PARN: variants seen among roughly 807,000 people sequenced by gnomAD.
PARN encodes the protein poly(A)-specific ribonuclease.
In PARN, 71 loss-of-function variants were observed where a neutral mutation model predicts 102.8. The ratio of observed to expected loss-of-function variants is 0.69; its 90% CI spans 0.57 to 0.84. The LOEUF (loss-of-function observed/expected upper bound fraction) is 0.84, where lower values mean the gene tolerates loss of function less well. PARN is among the 40% of genes least tolerant of loss of function. The probability of loss-of-function intolerance (pLI) is 0.00; values close to 1 mark genes in which losing one functional copy is unlikely to be tolerated. For missense variants in PARN, 782 were observed against 760.9 expected (o/e 1.03, Z -0.33); for synonymous variants, 261 against 252.9 (o/e 1.03, Z -0.30).
intron 21 of PARN, among the ~76,000 whole-genome samples, chr16:14,539,695 A>T (rs952689829): frequency 6.6e-6 from 1 of 152,214 alleles, no homozygotes; most frequent in Non-Finnish European, 1.5e-5. Context: ...ATACATTCAC[A>T]TGTCTTACTA....
At chr16:14,509,785 G>C (rs895890514) in intron 21 of PARN, among the ~76,000 whole-genome samples, 14 of 152,290 alleles carry the variant, frequency 9.2e-5, no homozygotes, top group Non-Finnish European at 1.9e-4. Flanking sequence ...AGCTTTCCAT[G>C]TTTTTCTATT....
chr16:14,538,910 A>G (rs1193823637), intron 21 of PARN, among the ~76,000 whole-genome samples: 1 of 152,162 alleles, frequency 6.6e-6, no homozygotes, highest in African/African-American at 2.4e-5. Context: ...TAAATTGCAC[A>G]TATGAGGAAT....
chr16:14,590,697 A>T (rs926203361), intron 13 of PARN, among the ~76,000 whole-genome samples: 9 of 152,024 alleles, frequency 5.9e-5, no homozygotes, highest in Admixed American at 3.3e-4. Context: ...GAGACCCACA[A>T]CTATGAAGTC....
At chr16:14,535,492 G>C (rs957135940) in intron 21 of PARN, among the ~76,000 whole-genome samples, 4 of 152,098 alleles carry the variant, frequency 2.6e-5, no homozygotes, top group African/African-American at 9.7e-5. Context: ...TTCTTTTTCA[G>C]AATAGCAGAT....
intron 18 of PARN, among the ~76,000 whole-genome samples, chr16:14,576,603 T>C (rs921978720): frequency 2.6e-5 from 4 of 152,346 alleles, no homozygotes; most frequent in Middle Eastern, 3.4e-3. Context: ...ATCTTAACAT[T>C]AAGTTTGGTT....
At chr16:14,596,863 TG>T (rs1394451165) in intron 12 of PARN, among the ~76,000 whole-genome samples, 1 of 151,772 alleles carries the variant, frequency 6.6e-6, no homozygotes, top group Non-Finnish European at 1.5e-5. Flanking sequence ...CTCAGGTTAC[TG>T]CAACCCCCGC....
intron 21 of PARN, among the ~76,000 whole-genome samples, chr16:14,500,208 A>G (rs1405929924): frequency 1.3e-5 from 2 of 152,064 alleles, no homozygotes; most frequent in African/African-American, 2.4e-5. Context: ...GGAGCTTGCC[A>G]CCATGTCCGG....
At chr16:14,454,045 T>C (rs1289152861) in intron 22 of PARN, among the ~76,000 whole-genome samples, 1 of 152,204 alleles carries the variant, frequency 6.6e-6, no homozygotes, top group Non-Finnish European at 1.5e-5. Context: ...TTTTGAAGAA[T>C]CTGTTGAAAT....
chr16:14,499,168 TTACGGGGGCTGTTGC>T (rs1423785156), intron 21 of PARN, among the ~76,000 whole-genome samples: 2 of 152,230 alleles, frequency 1.3e-5, no homozygotes. Context: ...TGCTTCCCTG[TTACGGGGGCTGTTGC>T]TGCTGACACC....
At chr16:14,569,223 AT>A (rs888733809) in intron 18 of PARN, among the ~76,000 whole-genome samples, 3 of 151,862 alleles carry the variant, frequency 2.0e-5, no homozygotes, top group African/African-American at 7.3e-5. Flanking sequence ...ATATATACAA[AT>A]TTAAAAAAAA....
intron 21 of PARN, among the ~76,000 whole-genome samples, chr16:14,543,923 G>A (rs1385870873): frequency 2.0e-5 from 3 of 152,172 alleles, no homozygotes; most frequent in African/African-American, 4.8e-5. Flanking sequence ...GGCTGGGCAC[G>A]GTGGCTCACG....
intron 9 of PARN, 197 bp downstream of exon 9, chr16:14,608,084 C>T (rs1291267607): frequency 1.7e-6 from 1 of 592,668 alleles, no homozygotes; most frequent in Non-Finnish European, 3.0e-6. Context: ...TTTTAAGAAG[C>T]CTTAAAGCAT....
intron 21 of PARN, among the ~76,000 whole-genome samples, chr16:14,510,467 C>G (rs1254872138): frequency 5.9e-5 from 9 of 152,086 alleles, no homozygotes; most frequent in African/African-American, 2.2e-4. Context: ...AGTGCCTACA[C>G]TGAACCACAA....
rs146997744 is a variant in PARN, at chr16:14,576,536, A to T, written c.1262+4338T>A. Among the ~76,000 whole-genome samples the T allele has an allele frequency of 2.0e-5, 3 of 152,380 alleles. No homozygotes were observed. In the East Asian group the frequency reaches 5.8e-4, roughly 29 times the overall value. On this transcript the variant is annotated intron_variant, in intron 18 of 23. Coordinates refer to ENST00000437198, the MANE Select transcript of PARN (RefSeq NM_002582.4). ...TTGTGCTTTCTGTTGTACAATAAAA[A>T]GCAAAAGCAGAGAGCATTTTTAGCT...
At chr16:14,629,733 A>C (rs1161337596) in intron 1 of PARN, 59 bp from the exon 2 acceptor site, 9 of 1,276,988 alleles carry the variant, frequency 7.0e-6, no homozygotes, top group Middle Eastern at 1.9e-4. Context: ...CTAAGGGGAG[A>C]GGGAAGGAGG....
intron 18 of PARN, among the ~76,000 whole-genome samples, chr16:14,570,613 G>A (rs1968741381): frequency 6.7e-6 from 1 of 148,776 alleles, no homozygotes; most frequent in Non-Finnish European, 1.5e-5. Flanking sequence ...TCATGCCACT[G>A]CACTCCAGCC....
chr16:14,453,666 A>G lies in PARN; in HGVS notation c.1671-6585T>C, dbSNP rs544370786. On this transcript the variant is annotated intron_variant, in intron 22 of 23. Coordinates refer to ENST00000437198, the MANE Select transcript of PARN (RefSeq NM_002582.4). ...CTATTTATATAGTTTTGCCTTTTCC[A>G]GAAGTTCATGTGAATGAAATCATAC... 7.9e-5 allele frequency among the ~76,000 whole-genome samples: 12 copies of G among 151,742 alleles called. 1 individual carries two copies. The South Asian group carries it at 2.5e-3, about 31-fold the overall frequency.
In PARN at chr16:14,630,206, T is replaced by TGCGGCAGTAGCTGAGGCAGCC. The variant is rs1275864216; in HGVS notation, c.-102_-82dup. On this transcript the variant is annotated 5_prime_UTR_variant, in exon 1 of 24. Coordinates refer to ENST00000437198, the MANE Select transcript of PARN (RefSeq NM_002582.4). ...TCTACTCGCCGAATTCCGCGGCGAC[T>TGCGGCAGTAGCTGAGGCAGCC]GCGGCAGTAGCTGAGGCAGCCGCAG... The TGCGGCAGTAGCTGAGGCAGCC allele has an allele frequency of 1.2e-4, 160 of 1,287,236 alleles. 1 individual carries two copies. The highest frequency in any genetic ancestry group is 7.3e-4 in the Admixed American group (35 of 47,720). 79.7% of individuals were successfully genotyped at this position (1,287,236 alleles called of 1,614,324 possible). A position where few individuals can be genotyped will look rare whatever the true frequency, so the allele number is the denominator to read the frequency against.
chr16:14,510,766 C>G (rs553662590), intron 21 of PARN, among the ~76,000 whole-genome samples: 1 of 152,344 alleles, frequency 6.6e-6, no homozygotes, highest in East Asian at 1.9e-4. Flanking sequence ...CTGCCACCCC[C>G]ATCTATGTGA....
Sources: allele counts gnomAD v4.1 joint callset (sites outside exome capture counted in the v4.1 genomes callset), GRCh38; gene constraint gnomAD v4.1.1; transcripts MANE v1.5; gene names NCBI Gene and HGNC (gene_info 2026-07-23, HGNC 2026-07-21).